Variants in TF observed in about 807,000 individuals in gnomAD.
The protein encoded by TF is transferrin.
A neutral mutation model predicts 82.4 loss-of-function variants in TF; 55 were observed. The observed-to-expected ratio is 0.67, with a 90% confidence interval of 0.54 to 0.84. The LOEUF is 0.84. Among genes scored for constraint, TF ranks in the 40% least tolerant of loss-of-function variants. TF has a pLI of 0.00. For synonymous variants in TF, 332 were observed against 332.6 expected (o/e 1.00, Z 0.02); for missense variants, 737 against 868.4 (o/e 0.85, Z 1.90).
rs772159182 is a variant in TF, at chr3:133,748,476, T to C, written c.108T>C (p.Thr36=). The part of the protein sequence containing the change: ...RWCAVSEHEA[T]KCQSFRDHMK... ...GTGCAGTGTCGGAGCATGAGGCCAC[T>C]AAGTGCCAGAGTTTCCGCGACCATA... Residue 36 remains threonine (T), a synonymous_variant, in exon 2 of 17, where the codon ACT becomes ACC. Coordinates refer to ENST00000402696, the MANE Select transcript of TF (RefSeq NM_001063.4). The C allele has an allele frequency of 6.2e-7, 1 of 1,614,174 alleles. No homozygotes were observed. The highest frequency in any genetic ancestry group is 8.5e-7 in the Non-Finnish European group (1 of 1,180,044).
chr3:133,757,637 C>CGACT (rs1296696198), intron 7 of TF, 132 bp from the exon 8 acceptor site: 2 of 859,792 alleles, frequency 2.3e-6, no homozygotes, highest in African/African-American at 3.4e-5. Context: ...GGAGCAGGTC[C>CGACT]GACTGCCCTC....
At chr3:133,685,539 G>A in the TF span, among the ~76,000 whole-genome samples, 1 of 152,134 alleles carries the variant, frequency 6.6e-6, no homozygotes, top group African/African-American at 2.4e-5. Context: ...AAAATCACAA[G>A]CATTCCTATA....
At chr3:133,695,679 T>C in the TF span, among the ~76,000 whole-genome samples, 10 of 152,226 alleles carry the variant, frequency 6.6e-5, no homozygotes, top group African/African-American at 2.2e-4. Context: ...GCATTTCTTT[T>C]ACAGTAATTC....
At chr3:133,710,060 T>G in the TF span, 2 of 152,116 alleles carry the variant, frequency 1.3e-5, no homozygotes, top group East Asian at 3.9e-4. Context: ...AGTCCTGGAG[T>G]GCTGTTTTTC....
At chr3:133,755,325 C>T in intron 4 of TF, 38 bp from the exon 5 acceptor site, 1 of 1,614,058 alleles carries the variant, frequency 6.2e-7, no homozygotes, top group Non-Finnish European at 8.5e-7. Context: ...TGGCCAGCCT[C>T]ACTCATGCTC....
intron 10 of TF, 41 bp from the exon 11 acceptor site, chr3:133,764,834 A>C (rs1382986805): frequency 1.2e-6 from 2 of 1,601,574 alleles, no homozygotes; most frequent in South Asian, 2.2e-5. Context: ...CAATCTATAA[A>C]TCAGGGTTTA....
intron 14 of TF, chr3:133,773,040 G>C (rs1200648491): frequency 6.6e-6 from 1 of 152,204 alleles, no homozygotes; most frequent in African/African-American, 2.4e-5. Flanking sequence ...CACCCAGGTA[G>C]TGAGCATAGC....
At chr3:133,717,710 AG>A in the TF span, among the ~76,000 whole-genome samples, 1 of 152,186 alleles carries the variant, frequency 6.6e-6, no homozygotes, top group Non-Finnish European at 1.5e-5. Flanking sequence ...ACATGGATTG[AG>A]GCGGCTGGGG....
At chr3:133,768,650 T>C (rs6775081) in intron 13 of TF, among the ~76,000 whole-genome samples, 1,771 of 152,286 alleles carry the variant, frequency 0.012, 40 homozygotes, top group African/African-American at 0.04. Flanking sequence ...AGCTTTTCCA[T>C]GCACCTCTGG....
At chr3:133,774,478 A>C (rs1193019758) in intron 14 of TF, 1 of 152,272 alleles carries the variant, frequency 6.6e-6, no homozygotes, top group Non-Finnish European at 1.5e-5. Context: ...ACAGTTGAAA[A>C]AAAAGCTACA....
At position 133,792,996 on chromosome 3, in the gene TF, G is replaced by A. The variant is rs1000402282; in HGVS notation, c.*14376G>A. On this transcript the variant is annotated 3_prime_UTR_variant, in exon 17 of 17. Transcript: ENST00000402696. ...TGAGAATCTCACCTTATGGTCAAAC[G>A]GATTAAGATTGGAAAGATATGTCTA... is the stretch of plus-strand genomic sequence containing the variant. The A allele has an allele frequency of 2.0e-5, 3 of 152,106 alleles. No individual in the cohort carries two copies. The highest frequency in any genetic ancestry group is 1.9e-4 in the East Asian group (1 of 5,192). 9.4% of individuals were successfully genotyped at this position (152,106 alleles called of 1,614,324 possible).
At chr3:133,729,330 T>C in the TF span, among the ~76,000 whole-genome samples, 1 of 152,232 alleles carries the variant, frequency 6.6e-6, no homozygotes, top group African/African-American at 2.4e-5. Context: ...GCTTCCCAGC[T>C]GCTTTGTTTA....
In TF at chr3:133,766,283, T is replaced by A. The variant is rs1435400475; in HGVS notation, c.1336T>A (p.Phe446Ile). The A allele has an allele frequency of 6.2e-7, 1 of 1,614,112 alleles. No individual in the cohort carries two copies. Residue 446 changes from phenylalanine (F) to isoleucine (I), a missense_variant, in exon 12 of 17, where the codon TTT becomes ATT. By Grantham distance (21) the Phe-to-Ile change is conservative. Coordinates refer to ENST00000402696, the MANE Select transcript of TF (RefSeq NM_001063.4). ...TTCTGGTGTCTTTCTTGTAGGGTAT[T>A]TTGCTATAGCAGTGGTGAAGAAATC... The part of the protein sequence containing the change: ...NCEDTPEAGY[F>I]AIAVVKKSAS...
chr3:133,712,582 T>C, the TF span: 1 of 152,616 alleles, frequency 6.6e-6, no homozygotes, highest in Non-Finnish European at 1.5e-5. Context: ...TCAGGCAATT[T>C]TGGGGACAGA....
chr3:133,689,363 A>T, the TF span, among the ~76,000 whole-genome samples: 8 of 152,048 alleles, frequency 5.3e-5, no homozygotes, highest in Non-Finnish European at 8.8e-5. Context: ...AAATAAATAA[A>T]ATATAGAAGT....
At chr3:133,704,154 A>G in the TF span, 2 of 187,944 alleles carry the variant, frequency 1.1e-5, no homozygotes, top group African/African-American at 4.6e-5. Context: ...AAGCCAGTGA[A>G]ATGAGAACCT....
intron 13 of TF, among the ~76,000 whole-genome samples, chr3:133,768,380 TG>T (rs1934180143): frequency 1.3e-5 from 2 of 152,334 alleles, no homozygotes; most frequent in African/African-American, 4.8e-5. Flanking sequence ...GACTTGTGTT[TG>T]GTACAGTTTA....
the TF span, among the ~76,000 whole-genome samples, chr3:133,735,997 A>G: frequency 1.3e-5 from 2 of 152,220 alleles, no homozygotes; most frequent in African/African-American, 2.4e-5. Context: ...CACAAGCCAC[A>G]TAATCGTCAG....
chr3:133,732,872 G>C, the TF span, among the ~76,000 whole-genome samples: 1,006 of 152,288 alleles, frequency 6.6e-3, 8 homozygotes, highest in African/African-American at 0.023. Flanking sequence ...CTGAGAGCTT[G>C]GGTGACTTGC....
Sources: allele counts gnomAD v4.1 joint callset (sites outside exome capture counted in the v4.1 genomes callset), GRCh38; gene constraint gnomAD v4.1.1; transcripts MANE v1.5; gene names NCBI Gene and HGNC (gene_info 2026-07-23, HGNC 2026-07-21).